Variants in SNAP91 observed in about 807,000 individuals in gnomAD.
The protein encoded by SNAP91 is clathrin coat assembly protein AP180.
A neutral mutation model predicts 100.3 loss-of-function variants in SNAP91; 27 were observed. The observed-to-expected ratio is 0.27, with a 90% CI of 0.20 to 0.37. SNAP91 has a LOEUF of 0.37. SNAP91 is among the 10% of genes least tolerant of loss of function. SNAP91 has a pLI of 1.00. For synonymous variants in SNAP91, 404 were observed against 398.6 expected (o/e 1.01, Z -0.16); for missense variants, 986 against 1,123.7 (o/e 0.88, Z 1.75).
chr6:83,667,984 G>GA (rs1187091029), intron 2 of SNAP91, among the ~76,000 whole-genome samples: 15 of 151,830 alleles, frequency 9.9e-5, no homozygotes, highest in African/African-American at 1.7e-4. Flanking sequence ...AAATTTACAA[G>GA]AAAAAAACAA....
chr6:83,560,765 TTG>T, intron 27 of SNAP91, 97 bp downstream of exon 27: 1 of 1,058,404 alleles, frequency 9.4e-7, no homozygotes, highest in Middle Eastern at 2.0e-4. Flanking sequence ...TTACTGTGTT[TTG>T]GGAAAAATTA....
chr6:83,639,350 T>G (rs2097583756), intron 8 of SNAP91, among the ~76,000 whole-genome samples: 1 of 152,154 alleles, frequency 6.6e-6, no homozygotes, highest in Non-Finnish European at 1.5e-5. Flanking sequence ...GTGTCCAAAT[T>G]ATGAACAATG....
At chr6:83,612,171 G>A (rs554953086) in intron 11 of SNAP91, among the ~76,000 whole-genome samples, 1 of 152,138 alleles carries the variant, frequency 6.6e-6, no homozygotes, top group East Asian at 1.9e-4. Flanking sequence ...GTAACAACTT[G>A]GTTACATGTA....
intron 2 of SNAP91, among the ~76,000 whole-genome samples, chr6:83,682,443 G>A (rs1169910474): frequency 6.6e-6 from 1 of 152,028 alleles, no homozygotes; most frequent in Non-Finnish European, 1.5e-5. Flanking sequence ...CTGGGCTCAA[G>A]CAATCTGCCT....
At chr6:83,690,183 C>T (rs1474042975) in intron 2 of SNAP91, 1 of 681,478 alleles carries the variant, frequency 1.5e-6, no homozygotes, top group Non-Finnish European at 1.9e-6. Context: ...AAAGCAATAA[C>T]TTAATTTGAA....
chr6:83,594,344 T>C (rs2094209245), intron 17 of SNAP91, 30 bp downstream of exon 17: 4 of 1,506,630 alleles, frequency 2.7e-6, no homozygotes, highest in Non-Finnish European at 3.6e-6. Context: ...GACAGAAGAA[T>C]AACAGACTGG....
chr6:83,661,311 A>G (rs907095787), intron 5 of SNAP91, among the ~76,000 whole-genome samples, 191 bp downstream of exon 5: 3 of 152,250 alleles, frequency 2.0e-5, no homozygotes, highest in Non-Finnish European at 2.9e-5. Flanking sequence ...TTCTGCATGA[A>G]GATATAAACA....
At chr6:83,639,054 T>C (rs1420393719) in intron 8 of SNAP91, among the ~76,000 whole-genome samples, 2 of 152,226 alleles carry the variant, frequency 1.3e-5, no homozygotes, top group Non-Finnish European at 2.9e-5. Flanking sequence ...AATAGTTCCA[T>C]AGAACTTGTT....
intron 7 of SNAP91, among the ~76,000 whole-genome samples, chr6:83,649,926 T>C (rs1243189016): frequency 6.6e-6 from 1 of 152,180 alleles, no homozygotes; most frequent in Non-Finnish European, 1.5e-5. Context: ...TCAAAGAATT[T>C]GTAGGTATAT....
chr6:83,707,724 A>G (rs1438995970), intron 2 of SNAP91, 74 bp downstream of exon 2: 8 of 1,574,740 alleles, frequency 5.1e-6, no homozygotes, highest in Non-Finnish European at 3.4e-6. Context: ...ATGGACCAAG[A>G]GCGCAGGCCG....
At chr6:83,601,988 C>A (rs1053985561) in intron 14 of SNAP91, among the ~76,000 whole-genome samples, 1 of 151,998 alleles carries the variant, frequency 6.6e-6, no homozygotes, top group Non-Finnish European at 1.5e-5. Context: ...TGGCAGTAAT[C>A]CCATGTTTCT....
chr6:83,571,820 C>T (rs893990080), intron 26 of SNAP91, among the ~76,000 whole-genome samples: 1 of 152,160 alleles, frequency 6.6e-6, no homozygotes, highest in Non-Finnish European at 1.5e-5. Context: ...CCACCCAAAT[C>T]TTATCTTGAA....
intron 8 of SNAP91, among the ~76,000 whole-genome samples, chr6:83,629,331 C>T (rs12110910): frequency 0.027 from 4,163 of 152,054 alleles, 193 homozygotes; most frequent in African/African-American, 0.093. Flanking sequence ...CTTAGTCTTG[C>T]TTTGGCTATG....
intron 25 of SNAP91, chr6:83,575,369 T>C (rs1816671496): frequency 4.3e-6 from 2 of 464,518 alleles, no homozygotes; most frequent in Non-Finnish European, 7.6e-6. Flanking sequence ...TTTCCTATCC[T>C]CTATAAAGAA....
rs530507012 is a variant in SNAP91, at chr6:83,623,876, A to T, written c.766-534T>A. The stretch of plus-strand genomic sequence containing the variant: ...TCCCCATTACAACACAAATAATAAC[A>T]TATTATATATAATGAACTTATGTTT... On this transcript the variant is annotated intron_variant, in intron 8 of 29. Coordinates refer to ENST00000369694, the MANE Select transcript of SNAP91 (RefSeq NM_001242792.2). Among the ~76,000 whole-genome samples the T allele has an allele frequency of 5.9e-5, 9 of 152,208 alleles. No individual in the cohort carries two copies. The South Asian group carries it at 1.9e-3, about 32-fold the overall frequency.
chr6:83,669,067 T>G (rs919440860), intron 2 of SNAP91, among the ~76,000 whole-genome samples: 1 of 152,048 alleles, frequency 6.6e-6, no homozygotes, highest in African/African-American at 2.4e-5. Context: ...GAATATGTCA[T>G]GTAATTTATT....
At chr6:83,572,827 ACATTGTGAGATTTAATGT>A (rs1291651531) in intron 26 of SNAP91, among the ~76,000 whole-genome samples, 6 of 152,230 alleles carry the variant, frequency 3.9e-5, no homozygotes, top group African/African-American at 7.2e-5. Context: ...AATATAGATT[ACATTGTGAGATTTAATGT>A]CATTATGTAG....
chr6:83,649,667 T>A (rs1353854537), intron 7 of SNAP91, among the ~76,000 whole-genome samples: 1 of 151,972 alleles, frequency 6.6e-6, no homozygotes, highest in African/African-American at 2.4e-5. Flanking sequence ...CTGCAACCTC[T>A]GCCTCCCAGC....
At position 83,616,974 on chromosome 6, in the gene SNAP91, T is replaced by G. The variant is rs1465558051; in HGVS notation, c.873A>C (p.Gly291=). 6.5e-7 allele frequency: 1 copy of G among 1,542,672 alleles called. No homozygotes were observed. Among genetic ancestry groups the G allele is most frequent in the Non-Finnish European group, 8.8e-7 (1 of 1,140,612 alleles). Residue 291 remains glycine (G), a synonymous_variant, in exon 10 of 30, where the codon GGA becomes GGC. Transcript: ENST00000369694. ...HLNTLEGKKP[G]NNEGSGAPSP... is the part of the protein sequence containing the mutation. The stretch of plus-strand genomic sequence containing the variant: ...AATATACAACTAATGCGTACTTGTT[T>G]CCAGGTTTCTTTCCTTCTAATGTAT...
Sources: gnomAD v4.1 joint callset for allele counts (sites outside exome capture counted in the v4.1 genomes callset) on GRCh38, gnomAD v4.1.1 for gene constraint, MANE v1.5 for transcripts, NCBI Gene and HGNC (gene_info 2026-07-23, HGNC 2026-07-21) for gene names.